The following SNTG1 variants were observed in gnomAD, a reference collection of about 807,000 sequenced individuals.
SNTG1 encodes syntrophin gamma 1, also known as gamma-1-syntrophin.
A neutral mutation model predicts 74.7 loss-of-function variants in SNTG1; 39 were observed. The observed-to-expected ratio is 0.52, with a 90% CI of 0.40 to 0.68. SNTG1 has a LOEUF of 0.68. Among genes scored for constraint, SNTG1 ranks in the 30% least tolerant of loss-of-function variants. The pLI is 0.00. For synonymous variants in SNTG1, 254 were observed against 217.1 expected (o/e 1.17, Z -1.49); for missense variants, 685 against 609.5 (o/e 1.12, Z -1.30).
At chr8:49,930,707 C>T (rs1317842332) in intron 1 of SNTG1, among the ~76,000 whole-genome samples, 1 of 151,988 alleles carries the variant, frequency 6.6e-6, no homozygotes, top group African/African-American at 2.4e-5. Flanking sequence ...CCACAGTAAG[C>T]ACATTAACGA....
intron 11 of SNTG1, among the ~76,000 whole-genome samples, chr8:50,551,129 T>C (rs1345339117): frequency 6.6e-6 from 1 of 152,120 alleles, no homozygotes; most frequent in Admixed American, 6.6e-5. Flanking sequence ...AGTGAGCTAA[T>C]TTACTAATAA....
chr8:50,770,763 A>G (rs2095625052), intron 18 of SNTG1, among the ~76,000 whole-genome samples: 1 of 152,068 alleles, frequency 6.6e-6, no homozygotes, highest in East Asian at 1.9e-4. Flanking sequence ...GTGAGTTCTC[A>G]TTCTAGGAGG....
chr8:50,527,951 T>C (rs1415072764), intron 9 of SNTG1, among the ~76,000 whole-genome samples: 1 of 151,754 alleles, frequency 6.6e-6, no homozygotes, highest in Admixed American at 6.5e-5. Flanking sequence ...TAAAACTTCA[T>C]TGTCCAGTTG....
At chr8:50,134,120 A>G (rs2081397666) in intron 1 of SNTG1, among the ~76,000 whole-genome samples, 1 of 152,158 alleles carries the variant, frequency 6.6e-6, no homozygotes, top group Admixed American at 6.5e-5. Context: ...AACTCAATCT[A>G]TGGTGGTGGG....
At chr8:50,195,382 GA>G (rs1190931981) in intron 2 of SNTG1, among the ~76,000 whole-genome samples, 1 of 152,002 alleles carries the variant, frequency 6.6e-6, no homozygotes, top group East Asian at 1.9e-4. Flanking sequence ...AGCTGTGAAA[GA>G]AAAGGGCTTG....
At chr8:50,212,968 T>C (rs1317585824) in intron 2 of SNTG1, among the ~76,000 whole-genome samples, 1 of 152,220 alleles carries the variant, frequency 6.6e-6, no homozygotes, top group Non-Finnish European at 1.5e-5. Flanking sequence ...CAAACAGCAT[T>C]TTAATGATGC....
chr8:50,505,716 T>C (rs976833812), intron 9 of SNTG1, among the ~76,000 whole-genome samples: 3 of 152,168 alleles, frequency 2.0e-5, no homozygotes, highest in Non-Finnish European at 4.4e-5. Flanking sequence ...GTTTTGCTGT[T>C]GTTGAGTTGT....
rs756612715 is a variant in SNTG1 at position 50,536,666 on chromosome 8, T to C, written c.550-12T>C. On this transcript the variant is annotated splice_polypyrimidine_tract_variant and intron_variant, in intron 10 of 18. Coordinates refer to ENST00000642720, the MANE Select transcript of SNTG1 (RefSeq NM_018967.5). ...AGAAAAAAATTACGTTGAATATTTA[T>C]CTTCCTTTCAGGACACATTATCATG... The C allele has an allele frequency of 1.2e-6, 2 of 1,610,522 alleles. No homozygotes were observed. The highest frequency in any genetic ancestry group is 1.7e-6 in the Non-Finnish European group (2 of 1,178,698).
rs746373468 is a variant in SNTG1 at position 50,461,569 on chromosome 8, ATTT to A, written c.363+10841_363+10843del. Among the ~76,000 whole-genome samples the A allele has an allele frequency of 3.9e-5, 6 of 152,114 alleles. No individual in the cohort carries two copies. In the East Asian group the frequency reaches 5.8e-4, roughly 15 times the overall value. The stretch of plus-strand genomic sequence containing the variant: ...GATAAATCACTCTGGATGCATATAT[ATTT>A]ATTTTATACTTTGGGATGTAATCCA... On this transcript the variant is annotated intron_variant, in intron 8 of 18. Transcript: ENST00000642720.
At position 49,980,841 on chromosome 8, in the gene SNTG1, G is replaced by A. The variant is rs147011402; in HGVS notation, c.-103+68610G>A. Among the ~76,000 whole-genome samples the A allele has an allele frequency of 6.0e-3, 908 of 152,100 alleles. 11 individuals carry two copies. Among genetic ancestry groups the A allele is most frequent in the African/African-American group, 0.02 (848 of 41,470 alleles). The stretch of plus-strand genomic sequence containing the variant: ...GACACTTAAAGCTAACTTTTATTAG[G>A]GGTTCATTCACAGACTGTACACTTT... On this transcript the variant is annotated intron_variant, in intron 1 of 18. Coordinates refer to ENST00000642720, the MANE Select transcript of SNTG1 (RefSeq NM_018967.5).
At position 50,708,973 on chromosome 8, in the gene SNTG1, A is replaced by G; in HGVS notation, c.1279A>G (p.Thr427Ala). 3 of 1,611,526 alleles carry G rather than the reference A, an allele frequency of 1.9e-6. No homozygotes were observed. The highest frequency in any genetic ancestry group is 2.5e-6 in the Non-Finnish European group (3 of 1,177,750). The change falls in exon 17 of 19, where the codon ACA becomes GCA. Residue 427 changes from threonine (T) to alanine (A), a missense_variant. Coordinates refer to ENST00000642720, the MANE Select transcript of SNTG1 (RefSeq NM_018967.5). ...AGGATTTATCTGCTTTGATGCTGCA[A>G]CAAAGGTAATGTGTTCAGGTCAGCT... ...STGFICFDAA[T>A]KAVLWRYKFS...
chr8:50,001,927 G>A (rs866407016), intron 1 of SNTG1, among the ~76,000 whole-genome samples: 2 of 152,250 alleles, frequency 1.3e-5, no homozygotes, highest in Middle Eastern at 3.4e-3. Context: ...TAAGCTTAGA[G>A]AAAGAAAGTG....
intron 2 of SNTG1, among the ~76,000 whole-genome samples, chr8:50,287,220 C>G (rs11984700): frequency 0.07 from 10,590 of 152,170 alleles, 408 homozygotes; most frequent in African/African-American, 0.085. Flanking sequence ...ACTGCCCCAA[C>G]CATAAATCAG....
intron 8 of SNTG1, among the ~76,000 whole-genome samples, chr8:50,454,829 TAAAAAAAAAAAA>T (rs1158732952): frequency 1.1e-5 from 1 of 95,148 alleles, no homozygotes; most frequent in Non-Finnish European, 1.9e-5. Flanking sequence ...CAGACAGAGC[TAAAAAAAAAAAA>T]AAAAAAAAAA....
rs113933423 is a variant in SNTG1, at chr8:50,541,306, A to T, written c.680+4498A>T. Among the ~76,000 whole-genome samples, 1,384 of 150,570 alleles carry T rather than the reference A, an allele frequency of 9.2e-3. 20 individuals are homozygous for T. Among genetic ancestry groups the T allele is most frequent in the Non-Finnish European group, 0.013 (886 of 67,884 alleles). On this transcript the variant is annotated intron_variant, in intron 11 of 18. Transcript: ENST00000642720. ...GTTTATTTCTGTGAAATTTTATCAC[A>T]TATGCATGTTCCTGCATCCACTAAC...
chr8:49,915,040 C>T (rs1805899473), intron 1 of SNTG1: 1 of 152,188 alleles, frequency 6.6e-6, no homozygotes, highest in Non-Finnish European at 1.5e-5. Context: ...ACATGTTACA[C>T]ATCATGTTGT....
chr8:49,922,957 G>A (rs1021003126), intron 1 of SNTG1, among the ~76,000 whole-genome samples: 2 of 151,968 alleles, frequency 1.3e-5, no homozygotes, highest in Admixed American at 6.6e-5. Context: ...GTAATGATTC[G>A]TGTCTACTTT....
intron 4 of SNTG1, among the ~76,000 whole-genome samples, chr8:50,418,646 A>G (rs904423047): frequency 1.3e-5 from 2 of 152,116 alleles, no homozygotes; most frequent in Non-Finnish European, 2.9e-5. Context: ...GAGGTCCAGT[A>G]GGCATTTTCA....
chr8:50,101,026 A>G (rs2080102693), intron 1 of SNTG1, among the ~76,000 whole-genome samples: 1 of 152,040 alleles, frequency 6.6e-6, no homozygotes. Flanking sequence ...ACAAGAACAT[A>G]TGGTATTTGG....
Sources: gnomAD v4.1 joint callset for allele counts (sites outside exome capture counted in the v4.1 genomes callset) on GRCh38, gnomAD v4.1.1 for gene constraint, MANE v1.5 for transcripts, NCBI Gene and HGNC (gene_info 2026-07-23, HGNC 2026-07-21) for gene names.